The following MYO10 variants were observed in gnomAD, a reference collection of about 807,000 sequenced individuals.
MYO10 encodes myosin X.
In MYO10, 133 loss-of-function variants were observed where a neutral mutation model predicts 257.3. The observed-to-expected ratio is 0.52, with a 90% CI of 0.45 to 0.60. MYO10 has a LOEUF of 0.60. MYO10 is among the 20% of genes least tolerant of loss of function. The pLI is 0.00. For synonymous variants in MYO10, 1,104 were observed against 1,028.6 expected, an observed-to-expected ratio of 1.07 and a Z score of -1.40; for missense variants, 2,399 against 2,635.7, an observed-to-expected ratio of 0.91 and a Z score of 1.97.
intron 2 of MYO10, among the ~76,000 whole-genome samples, chr5:16,829,886 T>TAC (rs138178405): frequency 0.23 from 34,087 of 150,794 alleles, 3,835 homozygotes; most frequent in East Asian, 0.31. Context: ...GAACGGCTAA[T>TAC]ACACACACAC....
At chr5:16,739,146 T>G (rs575237448) in intron 19 of MYO10, among the ~76,000 whole-genome samples, 20 of 141,952 alleles carry the variant, frequency 1.4e-4, no homozygotes, top group Admixed American at 4.3e-4. Flanking sequence ...TGATTGTGCT[T>G]GTAAATAGCC....
At chr5:16,782,375 C>T (rs1467256860) in intron 5 of MYO10, among the ~76,000 whole-genome samples, 1 of 152,128 alleles carries the variant, frequency 6.6e-6, no homozygotes, top group Non-Finnish European at 1.5e-5. Context: ...CCACTATAGC[C>T]TAAAAGCAGC....
At position 16,809,977 on chromosome 5, in the gene MYO10, C is replaced by T. The variant is rs191822383; in HGVS notation, c.279+8032G>A. Among the ~76,000 whole-genome samples the T allele has an allele frequency of 4.8e-4, 73 of 152,200 alleles. 1 individual carries two copies. The highest frequency in any genetic ancestry group is 1.7e-3 in the African/African-American group (72 of 41,542). ...AGAGGAGTCTCCTCTGCGCAACTGA[C>T]CCAGAGCTCCACAATCCCTGTAATG... is the stretch of plus-strand genomic sequence containing the variant. On this transcript the variant is annotated intron_variant, in intron 3 of 40. Transcript: ENST00000513610.
At chr5:16,669,091 C>T (rs114526002) in intron 39 of MYO10, among the ~76,000 whole-genome samples, 1 of 152,264 alleles carries the variant, frequency 6.6e-6, no homozygotes, top group Non-Finnish European at 1.5e-5. Context: ...GCTAACAACA[C>T]AGGGCTGATC....
At chr5:16,733,595 C>T (rs1311931137) in intron 19 of MYO10, among the ~76,000 whole-genome samples, 4 of 144,694 alleles carry the variant, frequency 2.8e-5, no homozygotes, top group Non-Finnish European at 6.0e-5. Flanking sequence ...TGGTGAGCTG[C>T]GCATCCTAGG....
rs940458352 is a variant in MYO10 at position 16,902,434 on chromosome 5, T to C, written c.22-24727A>G. 8.9e-6 allele frequency: 11 copies of C among 1,234,346 alleles called. 1 individual carries two copies. In the Admixed American group the frequency reaches 1.7e-4, roughly 19 times the overall value. 76.5% of individuals were successfully genotyped at this position (1,234,346 alleles called of 1,614,324 possible). A position where few individuals can be genotyped will look rare whatever the true frequency, so the allele number is the denominator to read the frequency against. On this transcript the variant is annotated intron_variant, in intron 1 of 40. Coordinates refer to ENST00000513610, the MANE Select transcript of MYO10 (RefSeq NM_012334.3). Reference sequence around the variant, plus strand: ...GCACAACTCAGACAGTAATGTAACTTCACATACAGCTTGGGAAGCACATAG... The same window carrying C: ...GCACAACTCAGACAGTAATGTAACTCCACATACAGCTTGGGAAGCACATAG...
At chr5:16,790,656 T>C (rs1015329487) in intron 4 of MYO10, among the ~76,000 whole-genome samples, 1 of 152,166 alleles carries the variant, frequency 6.6e-6, no homozygotes, top group Non-Finnish European at 1.5e-5. Context: ...ACCATGATTG[T>C]GAGGCTTCCC....
rs1300648345 is a variant in MYO10 at position 16,662,068 on chromosome 5, T to C, written c.*4624A>G. The stretch of plus-strand genomic sequence containing the variant: ...TATTTTCCAGCAATCGTGATGCTTC[T>C]CTGATCAACTGAATGAAACAGTTAT... On this transcript the variant is annotated 3_prime_UTR_variant, in exon 41 of 41. Transcript: ENST00000513610. 6.6e-6 allele frequency: 1 copy of C among 152,338 alleles called. No individual in the cohort carries two copies. Among genetic ancestry groups the C allele is most frequent in the East Asian group, 1.9e-4 (1 of 5,188 alleles). The allele number at this position is 152,338 out of a possible 1,614,324, so 9.4% of individuals were successfully genotyped here. A position where few individuals can be genotyped will look rare whatever the true frequency, so the allele number is the denominator to read the frequency against.
At chr5:16,684,070 C>CT in intron 29 of MYO10, 135 bp from the exon 30 acceptor site, 1 of 762,084 alleles carries the variant, frequency 1.3e-6, no homozygotes, top group South Asian at 1.7e-5. Context: ...TAATAGTTAT[C>CT]TATGAGACGA....
At chr5:16,834,464 C>G (rs2126720836) in intron 2 of MYO10, among the ~76,000 whole-genome samples, 1 of 152,272 alleles carries the variant, frequency 6.6e-6, no homozygotes, top group South Asian at 2.1e-4. Context: ...ATGGATCAAT[C>G]TGTGGGGACC....
rs913375127 is a variant in MYO10 at position 16,663,351 on chromosome 5, T to G, written c.*3341A>C. The G allele has an allele frequency of 1.0e-4, 11 of 106,376 alleles. No homozygotes were observed. The highest frequency in any genetic ancestry group is 3.1e-4 in the East Asian group (1 of 3,230). The allele number at this position is 106,376 out of a possible 1,614,324, so 6.6% of individuals were successfully genotyped here. ...TTGTTTTTTTTTTTTTTTTTTTTTT[T>G]TTTTTTTTTTTTTTTTACAAATCAC... On this transcript the variant is annotated 3_prime_UTR_variant, in exon 41 of 41. Coordinates refer to ENST00000513610, the MANE Select transcript of MYO10 (RefSeq NM_012334.3).
intron 1 of MYO10, among the ~76,000 whole-genome samples, chr5:16,909,006 T>C (rs1244435199): frequency 6.6e-6 from 1 of 152,226 alleles, no homozygotes; most frequent in Non-Finnish European, 1.5e-5. Flanking sequence ...AGGTGCTATG[T>C]CTTGGACATT....
At chr5:16,759,008 G>T (rs570629309) in intron 17 of MYO10, among the ~76,000 whole-genome samples, 28 of 151,762 alleles carry the variant, frequency 1.8e-4, no homozygotes, top group African/African-American at 6.0e-4. Flanking sequence ...TGCAACCTCT[G>T]CCTCCCGGGT....
intron 2 of MYO10, among the ~76,000 whole-genome samples, chr5:16,853,352 C>T (rs1056719645): frequency 5.4e-5 from 8 of 149,324 alleles, no homozygotes; most frequent in African/African-American, 1.2e-4. Flanking sequence ...CCAGCCTGGG[C>T]GACAGAGTGA....
intron 19 of MYO10, among the ~76,000 whole-genome samples, chr5:16,715,113 A>ATTT (rs1222008294): frequency 1.4e-5 from 2 of 142,376 alleles, no homozygotes; most frequent in Non-Finnish European, 1.5e-5. Flanking sequence ...TTAAAAAAAA[A>ATTT]TTTTTTAAAA....
In MYO10 at chr5:16,663,179, G is replaced by GAT. The variant is rs1313713215; in HGVS notation, c.*3511_*3512dup. The GAT allele has an allele frequency of 1.3e-5, 2 of 152,068 alleles. No individual in the cohort carries two copies. Among genetic ancestry groups the GAT allele is most frequent in the East Asian group, 1.9e-4 (1 of 5,196 alleles). 9.4% of individuals were successfully genotyped at this position (152,068 alleles called of 1,614,324 possible). ...TCCATCTATTAAAAATGAGGATGGG[G>GAT]ATATATATGTATGTATGAGTAAATG... On this transcript the variant is annotated 3_prime_UTR_variant, in exon 41 of 41. Coordinates refer to ENST00000513610, the MANE Select transcript of MYO10 (RefSeq NM_012334.3).
In MYO10 at chr5:16,662,618, GGCT is replaced by G. The variant is rs1484093851; in HGVS notation, c.*4071_*4073del. Reference sequence around the variant, plus strand: ...ATTACAGGCGTGAGCCAGCATGCCTGGCTGAAACTATTTTTACAGAGAACTTAG... The same window carrying G: ...ATTACAGGCGTGAGCCAGCATGCCTGGAAACTATTTTTACAGAGAACTTAG... On this transcript the variant is annotated 3_prime_UTR_variant, in exon 41 of 41. Coordinates refer to ENST00000513610, the MANE Select transcript of MYO10 (RefSeq NM_012334.3). 1.3e-5 allele frequency: 2 copies of G among 151,992 alleles called. No homozygotes were observed. The highest frequency in any genetic ancestry group is 2.9e-5 in the Non-Finnish European group (2 of 68,016). The allele number at this position is 151,992 out of a possible 1,614,324, so 9.4% of individuals were successfully genotyped here.
intron 10 of MYO10, among the ~76,000 whole-genome samples, chr5:16,767,986 T>G (rs1240363220): frequency 1.3e-5 from 2 of 152,036 alleles, no homozygotes; most frequent in Admixed American, 6.6e-5. Flanking sequence ...CCAAAAAGTT[T>G]TAACTTTTAA....
At chr5:16,794,102 T>C (rs1329462227) in intron 4 of MYO10, among the ~76,000 whole-genome samples, 1 of 152,050 alleles carries the variant, frequency 6.6e-6, no homozygotes, top group Non-Finnish European at 1.5e-5. Flanking sequence ...AAACATGCCC[T>C]TAACATACAC....
Sources: allele counts gnomAD v4.1 joint callset (sites outside exome capture counted in the v4.1 genomes callset), GRCh38; gene constraint gnomAD v4.1.1; transcripts MANE v1.5; gene names NCBI Gene and HGNC (gene_info 2026-07-23, HGNC 2026-07-21).